The following SNTB1 variants were observed in gnomAD, a reference collection of about 807,000 sequenced individuals.
SNTB1 encodes the protein beta-1-syntrophin.
Under a neutral mutation model 48.9 loss-of-function variants are expected in SNTB1, and 36 were observed. That is an observed-to-expected ratio of 0.74 (90% CI 0.56 to 0.97). The LOEUF (loss-of-function observed/expected upper bound fraction) is 0.97, where lower values mean the gene tolerates loss of function less well. SNTB1 is among the 50% of genes least tolerant of loss of function. SNTB1 has a pLI of 0.00. For synonymous variants in SNTB1, 299 were observed against 294.6 expected, an observed-to-expected ratio of 1.01 and a Z score of -0.15; for missense variants, 786 against 703.4, an observed-to-expected ratio of 1.12 and a Z score of -1.33.
chr8:120,574,242 C>T (rs897640026), intron 4 of SNTB1, among the ~76,000 whole-genome samples: 6 of 152,218 alleles, frequency 3.9e-5, no homozygotes, highest in Middle Eastern at 3.4e-3. Context: ...CCAAAGGGCA[C>T]GAAATTTTTG....
chr8:120,796,568 GCCTGGGA>G (rs1820123078), intron 1 of SNTB1, among the ~76,000 whole-genome samples: 1 of 152,018 alleles, frequency 6.6e-6, no homozygotes, highest in Non-Finnish European at 1.5e-5. Flanking sequence ...GGTTCCCAGT[GCCTGGGA>G]CGTGCTCCTG....
chr8:120,678,777 T>A (rs1817880721), intron 2 of SNTB1, among the ~76,000 whole-genome samples: 1 of 152,208 alleles, frequency 6.6e-6, no homozygotes, highest in East Asian at 1.9e-4. Context: ...TTGTGACTTT[T>A]TTTTTTTGCC....
At chr8:120,720,296 G>A (rs1241863632) in intron 1 of SNTB1, among the ~76,000 whole-genome samples, 1 of 152,212 alleles carries the variant, frequency 6.6e-6, no homozygotes, top group Non-Finnish European at 1.5e-5. Context: ...TATCCTCCCT[G>A]TTCTCACACG....
At chr8:120,805,803 C>T (rs554143539) in intron 1 of SNTB1, among the ~76,000 whole-genome samples, 2 of 152,294 alleles carry the variant, frequency 1.3e-5, no homozygotes, top group Admixed American at 1.3e-4. Flanking sequence ...TCCTAATCAA[C>T]AAATTGGGGA....
chr8:120,649,639 CCAGAGGTGGAGCCTA>C (rs2090071887), intron 2 of SNTB1, among the ~76,000 whole-genome samples: 1 of 150,156 alleles, frequency 6.7e-6, no homozygotes, highest in South Asian at 2.2e-4. Context: ...TGCCCTGCCC[CCAGAGGTGGAGCCTA>C]CAGAGGCAGG....
At chr8:120,673,294 C>T (rs1243597766) in intron 2 of SNTB1, among the ~76,000 whole-genome samples, 3 of 143,684 alleles carry the variant, frequency 2.1e-5, no homozygotes, top group Non-Finnish European at 3.1e-5. Context: ...TTTTTTCTTT[C>T]TTTTTTTTTT....
intron 2 of SNTB1, among the ~76,000 whole-genome samples, chr8:120,681,229 T>C (rs554862712): frequency 7.1e-4 from 108 of 152,318 alleles, no homozygotes; most frequent in African/African-American, 2.5e-3. Context: ...GCAAGGATTC[T>C]CTTCGGGAAA....
Position 120,723,792 on chromosome 8 carries a change from G to A in SNTB1, c.572-29884C>T, listed in dbSNP as rs971752338. Among the ~76,000 whole-genome samples the A allele has an allele frequency of 1.3e-5, 2 of 152,222 alleles. 1 individual carries two copies. Among genetic ancestry groups the A allele is most frequent in the Admixed American group, 1.3e-4 (2 of 15,276 alleles). The stretch of plus-strand genomic sequence containing the variant: ...AAGACTACCATAAAGAACATGAAAT[G>A]TGTTTAGAACCCCAGGACAATACCT... On this transcript the variant is annotated intron_variant, in intron 1 of 6. Transcript: ENST00000517992.
intron 1 of SNTB1, among the ~76,000 whole-genome samples, chr8:120,783,642 C>T (rs1819867466): frequency 1.3e-5 from 2 of 151,982 alleles, no homozygotes; most frequent in Non-Finnish European, 2.9e-5. Flanking sequence ...TAGTCCTTTC[C>T]AATTCTAGAC....
intron 1 of SNTB1, among the ~76,000 whole-genome samples, chr8:120,700,235 C>A (rs1012807793): frequency 2.6e-5 from 4 of 151,616 alleles, no homozygotes; most frequent in Admixed American, 2.6e-4. Flanking sequence ...AGAAAACATC[C>A]AATTAAGAGG....
intron 5 of SNTB1, among the ~76,000 whole-genome samples, chr8:120,546,750 G>A (rs1213179332): frequency 6.6e-6 from 1 of 152,088 alleles, no homozygotes; most frequent in Non-Finnish European, 1.5e-5. Flanking sequence ...AATTACAGGC[G>A]TGAGCCACCA....
At chr8:120,637,267 CA>C in intron 2 of SNTB1, 7 of 345,496 alleles carry the variant, frequency 2.0e-5, no homozygotes, top group South Asian at 3.5e-5. Flanking sequence ...TGCTGCTGAC[CA>C]AAAGCCCAGA....
At chr8:120,718,499 T>C (rs1563579243) in intron 1 of SNTB1, among the ~76,000 whole-genome samples, 1 of 152,252 alleles carries the variant, frequency 6.6e-6, no homozygotes, top group African/African-American at 2.4e-5. Flanking sequence ...TGGCCAAATA[T>C]ATTTTATTAC....
intron 3 of SNTB1, among the ~76,000 whole-genome samples, chr8:120,590,635 G>C (rs962959564): frequency 6.6e-6 from 1 of 150,576 alleles, no homozygotes. Flanking sequence ...TCTCATCTTT[G>C]CTTCTCCTGT....
intron 4 of SNTB1, among the ~76,000 whole-genome samples, chr8:120,551,406 G>C (rs1304542979): frequency 2.0e-5 from 3 of 152,084 alleles, no homozygotes; most frequent in Non-Finnish European, 4.4e-5. Flanking sequence ...CTGTCAGACT[G>C]CATGTTAAAC....
rs1352683412 is a variant in SNTB1, at chr8:120,548,748, A to G, written c.1333+14T>C. On this transcript the variant is annotated intron_variant, in intron 5 of 6. Transcript: ENST00000517992. ...CGTAACAATGTGTCCTTGGTAGCTC[A>G]CTGCAGTACTCACCAGTGCTGATTT... 3.1e-6 allele frequency: 5 copies of G among 1,612,452 alleles called. No individual in the cohort carries two copies. In the African/African-American group the frequency reaches 6.7e-5, roughly 22 times the overall value.
chr8:120,602,766 AATCT>A (rs886306661), intron 3 of SNTB1, among the ~76,000 whole-genome samples: 1 of 151,320 alleles, frequency 6.6e-6, no homozygotes, highest in Non-Finnish European at 1.5e-5. Flanking sequence ...TATTGTTTGC[AATCT>A]ATTAAATTAA....
intron 2 of SNTB1, among the ~76,000 whole-genome samples, chr8:120,634,028 G>A (rs949372109): frequency 6.6e-6 from 1 of 151,718 alleles, no homozygotes; most frequent in African/African-American, 2.4e-5. Context: ...AATCTCCCCC[G>A]CAACTACCCC....
At chr8:120,691,253 T>C (rs4503138) in intron 2 of SNTB1, among the ~76,000 whole-genome samples, 39,408 of 152,162 alleles carry the variant, frequency 0.26, 5,568 homozygotes, top group Middle Eastern at 0.37. Flanking sequence ...AGTGTATGAA[T>C]TGCTCCTACA....
Sources: gnomAD v4.1 joint callset for allele counts (sites outside exome capture counted in the v4.1 genomes callset) on GRCh38, gnomAD v4.1.1 for gene constraint, MANE v1.5 for transcripts, NCBI Gene and HGNC (gene_info 2026-07-23, HGNC 2026-07-21) for gene names.